Variants in RGMA observed in about 807,000 individuals in gnomAD.
RGMA encodes repulsive guidance molecule A.
Under a neutral mutation model 23.2 loss-of-function variants are expected in RGMA, and 10 were observed. That is an observed-to-expected ratio of 0.43 (90% confidence interval 0.27 to 0.73). RGMA has a LOEUF of 0.73. RGMA is among the 30% of genes least tolerant of loss of function. The pLI, the probability that RGMA is intolerant of heterozygous loss-of-function variation, is 0.20. For missense variants in RGMA, 547 were observed against 630.5 expected (o/e 0.87, Z 1.42); for synonymous variants, 308 against 279.3 (o/e 1.10, Z -1.03).
In RGMA at chr15:93,039,464, A is replaced by T. The variant is rs887261117; in HGVS notation, c.*5534T>A. 1 of 152,182 alleles carries T rather than the reference A, an allele frequency of 6.6e-6. No homozygotes were observed. Among genetic ancestry groups the T allele is most frequent in the East Asian group, 1.9e-4 (1 of 5,194 alleles). The allele number at this position is 152,182 out of a possible 1,614,324, so 9.4% of individuals were successfully genotyped here. A position where few individuals can be genotyped will look rare whatever the true frequency, so the allele number is the denominator to read the frequency against. Reference sequence around the variant, plus strand: ...ACGCACAAGTTTGTTACATAGGTATACACGTGCCATGGTGGTTTGCTGCAC... The same window carrying T: ...ACGCACAAGTTTGTTACATAGGTATTCACGTGCCATGGTGGTTTGCTGCAC... On this transcript the variant is annotated 3_prime_UTR_variant, in exon 4 of 4. Coordinates refer to ENST00000329082, the MANE Select transcript of RGMA (RefSeq NM_020211.3).
rs771462720 is a variant in RGMA, at chr15:93,045,295, G to C, written c.1056C>G (p.Pro352=). The C allele has an allele frequency of 2.5e-6, 4 of 1,612,574 alleles. No homozygotes were observed. Among genetic ancestry groups the C allele is most frequent in the South Asian group, 2.2e-5 (2 of 91,040 alleles). The change falls in exon 4 of 4, where the codon CCC becomes CCG. Residue 352 remains proline, a synonymous_variant. Coordinates refer to ENST00000329082, the MANE Select transcript of RGMA (RefSeq NM_020211.3). The surrounding 1 kb of genome is among the most constrained non-coding windows in gnomAD (Gnocchi z 6.9). The part of the protein sequence containing the change: ...LAAASPAPTA[P]ETFPYETAVA... ...CGGCTGTCTCGTATGGGAAGGTCTC[G>C]GGGGCTGTGGGTGCAGGGCTGGCGG...
At chr15:93,054,960 G>A (rs533229191) in intron 2 of RGMA, among the ~76,000 whole-genome samples, 49 of 152,320 alleles carry the variant, frequency 3.2e-4, no homozygotes, top group African/African-American at 1.1e-3. Flanking sequence ...TACAGGAGGT[G>A]AGTGTGGTGG....
At chr15:93,087,154 C>T (rs1187000154) in intron 1 of RGMA, among the ~76,000 whole-genome samples, 1 of 152,198 alleles carries the variant, frequency 6.6e-6, no homozygotes, top group Non-Finnish European at 1.5e-5. Flanking sequence ...CCAGCACAGC[C>T]CAGAGAGTCT....
chr15:93,045,358 G>A lies in RGMA; in HGVS notation c.993C>T (p.His331=), dbSNP rs746220886. ...GGGCACCGGTGCCCTCAGCATTGGT[G>A]TGGAAGGCCTGGAAGTCGATCTGCT... The part of the protein sequence containing the change: ...LNQQIDFQAF[H]TNAEGTGARR... Residue 331 remains histidine (H), a synonymous_variant, in exon 4 of 4, where the codon CAC becomes CAT. Coordinates refer to ENST00000329082, the MANE Select transcript of RGMA (RefSeq NM_020211.3). This position sits in a 1 kb window ranked among gnomAD's most constrained non-coding sequence, Gnocchi z 6.9. 2 of 1,612,960 alleles carry A rather than the reference G, an allele frequency of 1.2e-6. No individual in the cohort carries two copies. Among genetic ancestry groups the A allele is most frequent in the South Asian group, 2.2e-5 (2 of 91,060 alleles).
In RGMA at chr15:93,043,392, A is replaced by G. The variant is rs112931057; in HGVS notation, c.*1606T>C. 148 of 152,668 alleles carry G rather than the reference A, an allele frequency of 9.7e-4. 1 individual carries two copies. The highest frequency in any genetic ancestry group is 3.3e-3 in the African/African-American group (139 of 41,570). The allele number at this position is 152,668 out of a possible 1,614,324, so 9.5% of individuals were successfully genotyped here. On this transcript the variant is annotated 3_prime_UTR_variant, in exon 4 of 4. Coordinates refer to ENST00000329082, the MANE Select transcript of RGMA (RefSeq NM_020211.3). ...GGAGCCAAAGTCTGTTCAGAAAACAAACTCCAACACGTCTAAAAGAAAATA... is the reference window on the plus strand; with the variant it reads ...GGAGCCAAAGTCTGTTCAGAAAACAGACTCCAACACGTCTAAAAGAAAATA...
At chr15:93,056,262 G>C (rs917146212) in intron 2 of RGMA, among the ~76,000 whole-genome samples, 2 of 152,250 alleles carry the variant, frequency 1.3e-5, no homozygotes, top group Non-Finnish European at 2.9e-5. Flanking sequence ...ATTTCCCCAG[G>C]ATGGGGAGGG....
chr15:93,088,592 G>A (rs1296312651), intron 1 of RGMA: 1 of 1,076,756 alleles, frequency 9.3e-7, no homozygotes, highest in East Asian at 6.1e-5. Flanking sequence ...GCTCCGTCCG[G>A]GGCTCCGCGA....
intron 1 of RGMA, among the ~76,000 whole-genome samples, chr15:93,086,229 G>A (rs866007570): frequency 6.6e-6 from 1 of 152,198 alleles, no homozygotes; most frequent in Non-Finnish European, 1.5e-5. Context: ...TTACCTTTGG[G>A]ATGTTATAAG....
At chr15:93,069,267 G>A (rs112825496) in intron 2 of RGMA, among the ~76,000 whole-genome samples, 9 of 152,234 alleles carry the variant, frequency 5.9e-5, no homozygotes, top group Middle Eastern at 6.8e-3. Flanking sequence ...ATGCCACCAC[G>A]CCCAGCTAAT....
At chr15:93,050,469 A>G (rs999611922) in intron 3 of RGMA, among the ~76,000 whole-genome samples, 3 of 152,210 alleles carry the variant, frequency 2.0e-5, no homozygotes, top group Admixed American at 1.3e-4. Flanking sequence ...CTGAGCTCTC[A>G]GCCTGCTGAG....
Position 93,037,629 on chromosome 15 carries a change from G to A in RGMA, c.*7369C>T, listed in dbSNP as rs2054675346. ...TGTAACAGCTGACGCTGGCCTTGTT[G>A]CACAGATGGAGCTCAGAGTGAGCTC... On this transcript the variant is annotated 3_prime_UTR_variant, in exon 4 of 4. Coordinates refer to ENST00000329082, the MANE Select transcript of RGMA (RefSeq NM_020211.3). The surrounding 1 kb of genome is among the most constrained non-coding windows in gnomAD (Gnocchi z 4.3). The A allele has an allele frequency of 6.6e-6, 1 of 152,282 alleles. No individual in the cohort carries two copies. Among genetic ancestry groups the A allele is most frequent in the Non-Finnish European group, 1.5e-5 (1 of 68,080 alleles). The allele number at this position is 152,282 out of a possible 1,614,324, so 9.4% of individuals were successfully genotyped here.
At chr15:93,088,535 G>A in intron 1 of RGMA, 2 of 1,003,518 alleles carry the variant, frequency 2.0e-6, no homozygotes, top group Non-Finnish European at 2.4e-6. Context: ...CGGGGGCCCG[G>A]GCGGCGCGGG....
chr15:93,083,397 A>G (rs1330197754), intron 1 of RGMA, among the ~76,000 whole-genome samples: 1 of 152,118 alleles, frequency 6.6e-6, no homozygotes, highest in Non-Finnish European at 1.5e-5. Context: ...GCATGATCAT[A>G]GCTCACTGCA....
intron 2 of RGMA, among the ~76,000 whole-genome samples, chr15:93,060,208 C>T (rs1433799226): frequency 6.6e-6 from 1 of 152,202 alleles, no homozygotes; most frequent in African/African-American, 2.4e-5. Context: ...CAGGGGCCAC[C>T]CTCCGGCCCC....
chr15:93,088,304 C>T (rs55724589), intron 1 of RGMA: 112,416 of 985,432 alleles, frequency 0.11, 7,301 homozygotes, highest in East Asian at 0.46. Context: ...GCGGCGCGAG[C>T]CGGCGCTGAA....
At chr15:93,064,745 TGGG>T (rs764636887) in intron 2 of RGMA, among the ~76,000 whole-genome samples, 5 of 152,172 alleles carry the variant, frequency 3.3e-5, no homozygotes, top group Non-Finnish European at 7.3e-5. Context: ...AAATCTGACT[TGGG>T]AACATGTGCA....
intron 1 of RGMA, among the ~76,000 whole-genome samples, chr15:93,078,926 T>G (rs1000653174): frequency 1.3e-5 from 2 of 152,258 alleles, no homozygotes; most frequent in Non-Finnish European, 2.9e-5. Flanking sequence ...AAGTCCATTT[T>G]CCTGTAATTT....
At chr15:93,083,921 C>G (rs778013131) in intron 1 of RGMA, among the ~76,000 whole-genome samples, 2 of 152,144 alleles carry the variant, frequency 1.3e-5, no homozygotes, top group Non-Finnish European at 2.9e-5. Flanking sequence ...GGGAGCCCAC[C>G]TAGGAAAATG....
chr15:93,063,998 G>A (rs956666575), intron 2 of RGMA, among the ~76,000 whole-genome samples: 3 of 152,198 alleles, frequency 2.0e-5, no homozygotes, highest in African/African-American at 7.2e-5. Context: ...CATACCAAGT[G>A]GCTACACGAA....
Sources: gnomAD v4.1 joint callset for allele counts (sites outside exome capture counted in the v4.1 genomes callset) on GRCh38, gnomAD v4.1.1 for gene constraint, Gnocchi (gnomAD v3.1) non-coding constraint, MANE v1.5 for transcripts, NCBI Gene and HGNC (gene_info 2026-07-23, HGNC 2026-07-21) for gene names.